POU6F2: variants seen among roughly 807,000 people sequenced by gnomAD.
POU6F2 encodes the protein POU domain, class 6, transcription factor 2.
In POU6F2, 31 loss-of-function variants were observed where a neutral mutation model predicts 71.3. The observed-to-expected ratio is 0.43, with a 90% CI of 0.33 to 0.59. The LOEUF is 0.59. POU6F2 is among the 20% of genes least tolerant of loss of function. POU6F2 has a pLI of 0.04. For synonymous variants in POU6F2, 347 were observed against 355.7 expected (o/e 0.98, Z 0.27); for missense variants, 783 against 856.8 (o/e 0.91, Z 1.07).
intron 4 of POU6F2, among the ~76,000 whole-genome samples, chr7:39,304,292 G>A (rs954542459): frequency 1.3e-5 from 2 of 152,172 alleles, no homozygotes; most frequent in Non-Finnish European, 2.9e-5. Flanking sequence ...AGACATGAAA[G>A]AGAAAACAAA....
At chr7:39,031,118 C>G (rs2128709333) in intron 1 of POU6F2, among the ~76,000 whole-genome samples, 1 of 152,052 alleles carries the variant, frequency 6.6e-6, no homozygotes, top group East Asian at 1.9e-4. Context: ...CCAGGCTGGT[C>G]TCGAAATCCT....
At chr7:39,066,512 A>G (rs1437685573) in intron 1 of POU6F2, among the ~76,000 whole-genome samples, 3 of 151,778 alleles carry the variant, frequency 2.0e-5, no homozygotes, top group Non-Finnish European at 4.4e-5. Context: ...AGCAATGACC[A>G]CATATAACTT....
intron 8 of POU6F2, among the ~76,000 whole-genome samples, chr7:39,455,432 C>T (rs1306203921): frequency 3.9e-5 from 6 of 152,182 alleles, no homozygotes; most frequent in Non-Finnish European, 8.8e-5. Flanking sequence ...AAATACTGTT[C>T]TCCCAAATTG....
intron 2 of POU6F2, among the ~76,000 whole-genome samples, chr7:39,141,857 G>A (rs577366990): frequency 5.3e-5 from 8 of 152,148 alleles, no homozygotes; most frequent in Non-Finnish European, 1.5e-5. Context: ...GGAGGCCGAG[G>A]TGAGCGGATC....
chr7:39,239,301 T>G (rs1429015879), intron 4 of POU6F2, among the ~76,000 whole-genome samples: 1 of 150,744 alleles, frequency 6.6e-6, no homozygotes, highest in Non-Finnish European at 1.5e-5. Flanking sequence ...GTTGAGTAGG[T>G]TTAAATTTCC....
intron 1 of POU6F2, among the ~76,000 whole-genome samples, chr7:38,998,669 G>A (rs1269595176): frequency 1.8e-5 from 2 of 109,942 alleles, no homozygotes; most frequent in South Asian, 2.8e-4. Context: ...TTTTTTTTTT[G>A]AGACAGTATC....
intron 5 of POU6F2, among the ~76,000 whole-genome samples, chr7:39,345,487 G>A (rs192730073): frequency 6.6e-6 from 1 of 152,162 alleles, no homozygotes; most frequent in Non-Finnish European, 1.5e-5. Context: ...CAAGGAAGGG[G>A]CTAGAAATCC....
chr7:39,071,340 T>C (rs1562694184), intron 1 of POU6F2, among the ~76,000 whole-genome samples: 2 of 151,914 alleles, frequency 1.3e-5, no homozygotes, highest in African/African-American at 2.4e-5. Context: ...CAGGTGGTAA[T>C]GCGAGCTATG....
At chr7:39,264,405 GT>G (rs1392644775) in intron 4 of POU6F2, among the ~76,000 whole-genome samples, 7 of 152,192 alleles carry the variant, frequency 4.6e-5, no homozygotes, top group Admixed American at 4.6e-4. Flanking sequence ...TTCAATCCCT[GT>G]TATAATGAAG....
At chr7:39,243,142 A>G (rs1334492673) in intron 4 of POU6F2, among the ~76,000 whole-genome samples, 4 of 152,198 alleles carry the variant, frequency 2.6e-5, no homozygotes, top group Admixed American at 6.5e-5. Context: ...ACTCTTCTCA[A>G]TAACACATAG....
At chr7:39,408,329 G>C (rs989848992) in intron 6 of POU6F2, among the ~76,000 whole-genome samples, 8 of 152,108 alleles carry the variant, frequency 5.3e-5, no homozygotes, top group African/African-American at 1.9e-4. Context: ...TCCATCACTT[G>C]AATACTTGTG....
chr7:39,467,656 T>A lies in POU6F2; in HGVS notation c.*2970T>A, dbSNP rs1245515249. ...AGAAAATATTTTGAACAATTGAAACTTTTAATTGCATTTGCAAGGTTTTGG... is the reference window on the plus strand; with the variant it reads ...AGAAAATATTTTGAACAATTGAAACATTTAATTGCATTTGCAAGGTTTTGG... On this transcript the variant is annotated 3_prime_UTR_variant, in exon 10 of 10. Coordinates refer to ENST00000518318, the MANE Select transcript of POU6F2 (RefSeq NM_001370959.1). 6.6e-6 allele frequency: 1 copy of A among 152,236 alleles called. No individual in the cohort carries two copies. The highest frequency in any genetic ancestry group is 1.5e-5 in the Non-Finnish European group (1 of 68,044). 9.4% of individuals were successfully genotyped at this position (152,236 alleles called of 1,614,324 possible).
At chr7:39,415,016 A>G (rs1787642770) in intron 6 of POU6F2, among the ~76,000 whole-genome samples, 1 of 137,020 alleles carries the variant, frequency 7.3e-6, no homozygotes, top group Admixed American at 7.3e-5. Flanking sequence ...TATCTTTTTA[A>G]ATTTTTTGTT....
chr7:39,217,228 A>G (rs944654020), intron 4 of POU6F2, among the ~76,000 whole-genome samples: 2 of 152,172 alleles, frequency 1.3e-5, no homozygotes, highest in South Asian at 2.1e-4. Flanking sequence ...TACAACCGCA[A>G]AGCAATTCTA....
rs33915153 is a variant in POU6F2 at position 39,221,384 on chromosome 7, C to CTTTTTT, written c.598+13783_598+13788dup. ...TCAGAATCTAAAATTCTCTCTCTCT[C>CTTTTTT]TTTTTTTTTTTTTTTTTTTTTTTTG... On this transcript the variant is annotated intron_variant, in intron 4 of 9. Coordinates refer to ENST00000518318, the MANE Select transcript of POU6F2 (RefSeq NM_001370959.1). Among the ~76,000 whole-genome samples the CTTTTTT allele has an allele frequency of 7.5e-4, 65 of 86,342 alleles. 2 individuals carry two copies. The highest frequency in any genetic ancestry group is 1.2e-3 in the East Asian group (3 of 2,468). 56.6% of individuals were successfully genotyped at this position (86,342 alleles called of 152,430 possible). A position where few individuals can be genotyped will look rare whatever the true frequency, so the allele number is the denominator to read the frequency against.
At chr7:39,400,653 C>T (rs1787277681) in intron 5 of POU6F2, among the ~76,000 whole-genome samples, 1 of 152,198 alleles carries the variant, frequency 6.6e-6, no homozygotes, top group African/African-American at 2.4e-5. Context: ...TCCTCCCTTC[C>T]CTTTTCTGTT....
chr7:39,208,695 C>T (rs1356536702), intron 4 of POU6F2, among the ~76,000 whole-genome samples: 1 of 152,124 alleles, frequency 6.6e-6, no homozygotes, highest in Non-Finnish European at 1.5e-5. Flanking sequence ...TCTCTTGTAC[C>T]ATTAAATTGT....
At chr7:39,361,797 A>C (rs543271901) in intron 5 of POU6F2, among the ~76,000 whole-genome samples, 1 of 152,350 alleles carries the variant, frequency 6.6e-6, no homozygotes, top group East Asian at 1.9e-4. Flanking sequence ...AGAGGTCACA[A>C]TGAAATTGCA....
At chr7:39,066,454 A>G (rs1419266547) in intron 1 of POU6F2, among the ~76,000 whole-genome samples, 1 of 151,824 alleles carries the variant, frequency 6.6e-6, no homozygotes, top group Non-Finnish European at 1.5e-5. Context: ...ATATATGTGT[A>G]CAGTCCTAAG....
Sources: gnomAD v4.1 joint callset for allele counts (sites outside exome capture counted in the v4.1 genomes callset) on GRCh38, gnomAD v4.1.1 for gene constraint, MANE v1.5 for transcripts, NCBI Gene and HGNC (gene_info 2026-07-23, HGNC 2026-07-21) for gene names.